Variants in CDH26 observed in about 807,000 individuals in gnomAD.
CDH26 encodes cadherin 26.
A neutral mutation model predicts 90.3 loss-of-function variants in CDH26; 83 were observed. That is an observed-to-expected ratio of 0.92 (90% CI 0.77 to 1.10). The LOEUF (loss-of-function observed/expected upper bound fraction) is 1.10. Among genes scored for constraint, CDH26 ranks in the 50% least tolerant of loss-of-function variants. The pLI is 0.00. For missense variants in CDH26, 1,013 were observed against 1,037.6 expected (o/e 0.98, Z 0.33); for synonymous variants, 397 against 396.3 (o/e 1.00, Z -0.02).
downstream of CDH26, among the ~76,000 whole-genome samples, chr20:60,035,431 A>T (rs2062075190): frequency 6.6e-6 from 1 of 152,236 alleles, no homozygotes; most frequent in South Asian, 2.1e-4. Context: ...CAGCCTAAGT[A>T]AAATAACTTA....
At chr20:60,035,882 C>T (rs1426739255), downstream of CDH26, among the ~76,000 whole-genome samples, 1 of 151,868 alleles carries the variant, frequency 6.6e-6, no homozygotes, top group Non-Finnish European at 1.5e-5. Context: ...TTCCCGAGGC[C>T]TCCCCAGCCC....
At chr20:59,983,603 A>G (rs2061419995) in intron 5 of CDH26, among the ~76,000 whole-genome samples, 1 of 152,200 alleles carries the variant, frequency 6.6e-6, no homozygotes, top group Admixed American at 6.5e-5. Context: ...TTAGTGTTTC[A>G]GTTTGTATTC....
In CDH26 at chr20:59,995,937, C is replaced by G; in HGVS notation, c.1771C>G (p.His591Asp). 1 of 1,614,210 alleles carries G rather than the reference C, an allele frequency of 6.2e-7. No individual in the cohort carries two copies. Among genetic ancestry groups the G allele is most frequent in the Non-Finnish European group, 8.5e-7 (1 of 1,180,040 alleles). The stretch of plus-strand genomic sequence containing the variant: ...GGGACTTTCCCAGAAGCAAACTGTC[C>G]ATGTAAGGATCTGCCCCTGTGCCAG... ...KQGLSQKQTV[H>D]VRICPCASGL... The change falls in exon 12 of 18, where the codon CAT (histidine) becomes GAT (aspartate). Residue 591 changes from histidine to aspartate, a missense_variant. By Grantham distance (81) the His-to-Asp change is moderately conservative. Transcript: ENST00000348616.
At chr20:59,995,478 T>TA (rs2061581160) in intron 11 of CDH26, among the ~76,000 whole-genome samples, 1 of 152,170 alleles carries the variant, frequency 6.6e-6, no homozygotes, top group Non-Finnish European at 1.5e-5. Context: ...CGGGAGTGGA[T>TA]GATGAGAAGC....
At chr20:59,972,561 G>T (rs2061275797) in intron 4 of CDH26, among the ~76,000 whole-genome samples, 1 of 152,152 alleles carries the variant, frequency 6.6e-6, no homozygotes, top group Non-Finnish European at 1.5e-5. Context: ...GTGAGTGCAG[G>T]TGTTCTTTAC....
rs116239720 is a variant in CDH26, at chr20:60,012,350, T to C, written c.2296-177T>C. On this transcript the variant is annotated intron_variant, in intron 17 of 17. Coordinates refer to ENST00000348616, the MANE Select transcript of CDH26 (RefSeq NM_177980.4). ...CCCTCTCAGACTGTAAGGTGGGATG[T>C]CTCCCCTCAGCATGGCTGCCACTTC... 9.2e-3 allele frequency among the ~76,000 whole-genome samples: 1,394 copies of C among 152,182 alleles called. 21 individuals carry two copies. Among genetic ancestry groups the C allele is most frequent in the African/African-American group, 0.032 (1,321 of 41,498 alleles).
chr20:60,034,272 G>T (rs2122805114), downstream of CDH26, among the ~76,000 whole-genome samples: 1 of 152,310 alleles, frequency 6.6e-6, no homozygotes, highest in South Asian at 2.1e-4. Flanking sequence ...CGAAGGGAAG[G>T]CAATGTCCCT....
chr20:60,021,893 C>CATATATATATATAT (rs1440474881), intron 7 of CDH26, among the ~76,000 whole-genome samples: 2 of 87,426 alleles, frequency 2.3e-5, no homozygotes, highest in African/African-American at 7.1e-5. Flanking sequence ...CACACACACA[C>CATATATATATATAT]ACACATATAT....
At chr20:60,004,561 T>C (rs1165495394) in intron 16 of CDH26, among the ~76,000 whole-genome samples, 1 of 151,778 alleles carries the variant, frequency 6.6e-6, no homozygotes, top group Non-Finnish European at 1.5e-5. Flanking sequence ...GATCAGGAGA[T>C]AGAGACCATC....
intron 4 of CDH26, among the ~76,000 whole-genome samples, chr20:59,979,017 A>G (rs907595770): frequency 2.6e-5 from 4 of 151,960 alleles, no homozygotes; most frequent in Non-Finnish European, 5.9e-5. Context: ...CCCTCCTTCA[A>G]CCCTTAACCC....
chr20:59,966,522 T>C (rs1292290242), intron 1 of CDH26, among the ~76,000 whole-genome samples: 1 of 152,252 alleles, frequency 6.6e-6, no homozygotes, highest in Non-Finnish European at 1.5e-5. Flanking sequence ...GTGTTTCTTT[T>C]TGGTTTTTCC....
chr20:59,994,605 GGCAGAGCTGGC>G, intron 11 of CDH26, 116 bp downstream of exon 11: 1 of 1,285,510 alleles, frequency 7.8e-7, no homozygotes, highest in Non-Finnish European at 1.1e-6. Flanking sequence ...TCTGCGTTCT[GGCAGAGCTGGC>G]TCTAGGTGCT....
At chr20:60,023,955 CAGAGGGA>C (rs1484681815) in intron 7 of CDH26, among the ~76,000 whole-genome samples, 2 of 133,054 alleles carry the variant, frequency 1.5e-5, no homozygotes, top group Non-Finnish European at 3.2e-5. Context: ...ATTATGCTGA[CAGAGGGA>C]GAGAGAGAGA....
In CDH26 at chr20:59,988,979, G is replaced by C; in HGVS notation, c.1099G>C (p.Glu367Gln). Residue 367 changes from glutamate to glutamine, a missense_variant, in exon 9 of 18, where the codon GAG (glutamate) becomes CAG (glutamine). Transcript: ENST00000348616. Reference protein sequence around the residue: ...VENEERLVFCERGKLQPPRKA... With the variant: ...VENEERLVFCQRGKLQPPRKA... ...GAATGAGGAGAGGCTCGTCTTCTGTGAGAGAGGAAAGCTTCAGCCGCCAAG... is the reference window on the plus strand; with the variant it reads ...GAATGAGGAGAGGCTCGTCTTCTGTCAGAGAGGAAAGCTTCAGCCGCCAAG... The C allele has an allele frequency of 6.2e-7, 1 of 1,614,142 alleles. No individual in the cohort carries two copies. Among genetic ancestry groups the C allele is most frequent in the Non-Finnish European group, 8.5e-7 (1 of 1,180,032 alleles).
intron 17 of CDH26, among the ~76,000 whole-genome samples, chr20:60,007,186 C>T (rs983544865): frequency 3.3e-5 from 5 of 152,138 alleles, no homozygotes; most frequent in East Asian, 1.9e-4. Context: ...CCAAAGGCTC[C>T]GTCTTCAAAT....
rs1251802737 is a variant in CDH26 at position 59,992,508 on chromosome 20, G to A, written c.1414G>A (p.Ala472Thr). The change falls in exon 10 of 18, where the codon GCT becomes ACT. Residue 472 changes from alanine (A) to threonine (T), a missense_variant. Transcript: ENST00000348616. The surrounding 1 kb of genome is among the most constrained non-coding windows in gnomAD (Gnocchi z 5.0). ...NNSFYVIIIH[A>T]VDDGFPPQTA... The stretch of plus-strand genomic sequence containing the variant: ...CAGTTTTTATGTAATCATCATTCAC[G>A]CTGTTGATGATGGTGAGTGTTTACC... The A allele has an allele frequency of 1.9e-6, 3 of 1,613,844 alleles. No homozygotes were observed. The highest frequency in any genetic ancestry group is 1.3e-5 in the African/African-American group (1 of 74,870).
intron 9 of CDH26, among the ~76,000 whole-genome samples, chr20:59,990,550 T>A (rs194992): frequency 0.038 from 5,771 of 152,330 alleles, 345 homozygotes; most frequent in African/African-American, 0.13. Context: ...CTAGATTTTT[T>A]AAAAATTTAC....
chr20:60,015,729 T>C (rs905045605), downstream of CDH26, among the ~76,000 whole-genome samples: 2 of 152,216 alleles, frequency 1.3e-5, no homozygotes, highest in Admixed American at 6.5e-5. Context: ...TTTCCCTAGA[T>C]TTTCTTCCAA....
chr20:59,999,510 A>C, intron 13 of CDH26, 76 bp from the exon 14 acceptor site: 6 of 1,237,788 alleles, frequency 4.8e-6, no homozygotes, highest in Non-Finnish European at 7.1e-6. Context: ...AGAAAATGTC[A>C]TTCCTTTCCT....
Sources: gnomAD v4.1 joint callset for allele counts (sites outside exome capture counted in the v4.1 genomes callset) on GRCh38, gnomAD v4.1.1 for gene constraint, Gnocchi (gnomAD v3.1) non-coding constraint, MANE v1.5 for transcripts, NCBI Gene and HGNC (gene_info 2026-07-23, HGNC 2026-07-21) for gene names.